Variants in FHIT observed in about 807,000 individuals in gnomAD.
FHIT encodes bis(5'-adenosyl)-triphosphatase.
FHIT carries 19 observed loss-of-function variants against 17.9 expected under a neutral mutation model. That is an observed-to-expected ratio of 1.06 (90% CI 0.74 to 1.56). FHIT has a LOEUF of 1.56. FHIT is among the 40% of genes most tolerant of loss of function. FHIT has a pLI of 0.00. For missense variants in FHIT, 248 were observed against 189.2 expected (o/e 1.31, Z -1.82); for synonymous variants, 81 against 69.7 (o/e 1.16, Z -0.81).
At chr3:61,036,855 T>C (rs565769962) in intron 3 of FHIT, among the ~76,000 whole-genome samples, 12 of 151,624 alleles carry the variant, frequency 7.9e-5, no homozygotes, top group Middle Eastern at 3.5e-3. Context: ...TGACTTGCCA[T>C]TAAAAAATTA....
At position 60,457,612 on chromosome 3, in the gene FHIT, A is replaced by G. The variant is rs545441626; in HGVS notation, c.103+79248T>C. Among the ~76,000 whole-genome samples the G allele has an allele frequency of 2.9e-3, 438 of 152,284 alleles. 1 individual carries two copies. The highest frequency in any genetic ancestry group is 0.01 in the African/African-American group (419 of 41,572). On this transcript the variant is annotated intron_variant, in intron 5 of 9. Transcript: ENST00000492590. ...CAATTAAACTAAAGAGCTTCTGCAC[A>G]GCAAAAGAATCTACCATCAGAGTGA... is the stretch of plus-strand genomic sequence containing the variant.
intron 5 of FHIT, among the ~76,000 whole-genome samples, chr3:60,400,621 C>A (rs1202930618): frequency 6.6e-6 from 1 of 152,012 alleles, no homozygotes; most frequent in Non-Finnish European, 1.5e-5. Flanking sequence ...AAGCAGGAAT[C>A]CAGAGCAAGA....
chr3:60,688,008 C>A (rs2040898021), intron 4 of FHIT, among the ~76,000 whole-genome samples: 1 of 151,756 alleles, frequency 6.6e-6, no homozygotes, highest in Non-Finnish European at 1.5e-5. Context: ...TAAATCTTGT[C>A]CATTCTATTG....
At chr3:60,161,138 G>A (rs914134631) in intron 5 of FHIT, among the ~76,000 whole-genome samples, 2 of 152,132 alleles carry the variant, frequency 1.3e-5, no homozygotes, top group Admixed American at 1.3e-4. Context: ...ACTGACTTGT[G>A]TGGCTATGTT....
intron 5 of FHIT, among the ~76,000 whole-genome samples, chr3:60,168,909 C>G (rs1448404906): frequency 6.6e-6 from 1 of 152,176 alleles, no homozygotes; most frequent in Non-Finnish European, 1.5e-5. Context: ...CTGCAAACCC[C>G]AGCAGATATC....
At chr3:60,191,598 T>C (rs1018157935) in intron 5 of FHIT, among the ~76,000 whole-genome samples, 10 of 152,148 alleles carry the variant, frequency 6.6e-5, no homozygotes, top group East Asian at 1.9e-4. Context: ...CACAGAAAAG[T>C]AGTATTTTTT....
At position 60,286,628 on chromosome 3, in the gene FHIT, C is replaced by G. The variant is rs564013460; in HGVS notation, c.103+250232G>C. 2.6e-4 allele frequency among the ~76,000 whole-genome samples: 39 copies of G among 152,262 alleles called. No individual in the cohort carries two copies. The East Asian group carries it at 5.6e-3, about 22-fold the overall frequency. On this transcript the variant is annotated intron_variant, in intron 5 of 9. Coordinates refer to ENST00000492590, the MANE Select transcript of FHIT (RefSeq NM_002012.4). ...TCTGAATTTTCCTCCTAACAAGGAG[C>G]TTAATCTACTATAGCAACCATAATG... is the stretch of plus-strand genomic sequence containing the variant.
At chr3:60,303,612 C>T (rs1416268974) in intron 5 of FHIT, among the ~76,000 whole-genome samples, 1 of 152,144 alleles carries the variant, frequency 6.6e-6, no homozygotes, top group Non-Finnish European at 1.5e-5. Flanking sequence ...TGCCGCTTCA[C>T]AGCCCATATG....
intron 5 of FHIT, among the ~76,000 whole-genome samples, chr3:60,392,669 A>G (rs927089473): frequency 3.9e-5 from 6 of 152,162 alleles, no homozygotes; most frequent in Admixed American, 2.0e-4. Context: ...ACCAAGTGAG[A>G]TTAATGTCCT....
chr3:60,085,833 G>A (rs1029941498), intron 5 of FHIT, among the ~76,000 whole-genome samples: 5 of 152,208 alleles, frequency 3.3e-5, no homozygotes, highest in African/African-American at 1.2e-4. Context: ...CTGCTGGCAG[G>A]ATAAGTGACA....
chr3:61,209,512 G>C (rs1181536429), intron 1 of FHIT, among the ~76,000 whole-genome samples: 7 of 135,388 alleles, frequency 5.2e-5, no homozygotes, highest in African/African-American at 1.9e-4. Flanking sequence ...GGCTTTGTTT[G>C]TTTCTTTTTA....
intron 5 of FHIT, among the ~76,000 whole-genome samples, chr3:60,103,877 G>A (rs1319224451): frequency 2.6e-5 from 4 of 152,064 alleles, no homozygotes; most frequent in Admixed American, 6.5e-5. Context: ...ATTACATGTC[G>A]CTTGTGCATA....
rs548469621 is a variant in FHIT at position 59,751,661 on chromosome 3, C to G, written c.*5+560G>C. 6 of 227,746 alleles carry G rather than the reference C, an allele frequency of 2.6e-5. No individual in the cohort carries two copies. The East Asian group carries it at 3.2e-4, about 12-fold the overall frequency. 14.1% of individuals were successfully genotyped at this position (227,746 alleles called of 1,614,324 possible). A position where few individuals can be genotyped will look rare whatever the true frequency, so the allele number is the denominator to read the frequency against. On this transcript the variant is annotated intron_variant, in intron 9 of 9. Coordinates refer to ENST00000492590, the MANE Select transcript of FHIT (RefSeq NM_002012.4). ...TAAGACAAAGATTAATTCTATCAAG[C>G]CTTGACTTTTCCCTGTGGCCTGAGC...
chr3:59,908,397 G>C (rs761058575), intron 8 of FHIT, among the ~76,000 whole-genome samples: 3 of 152,214 alleles, frequency 2.0e-5, no homozygotes, highest in Non-Finnish European at 2.9e-5. Flanking sequence ...GAAGAACTCT[G>C]ACAAGCTGGC....
At chr3:60,570,086 G>C (rs1230542191) in intron 4 of FHIT, among the ~76,000 whole-genome samples, 2 of 151,994 alleles carry the variant, frequency 1.3e-5, no homozygotes, top group African/African-American at 4.8e-5. Context: ...ACAGTCTATG[G>C]CGGTGGGACA....
intron 5 of FHIT, among the ~76,000 whole-genome samples, chr3:60,125,191 C>G (rs2107239408): frequency 6.6e-6 from 1 of 152,286 alleles, no homozygotes; most frequent in South Asian, 2.1e-4. Context: ...GAAGAGCCAG[C>G]CAGGGTCTAG....
At chr3:59,992,171 C>A (rs959179020) in intron 7 of FHIT, among the ~76,000 whole-genome samples, 1 of 152,062 alleles carries the variant, frequency 6.6e-6, no homozygotes, top group Non-Finnish European at 1.5e-5. Context: ...TCCCCTACTA[C>A]TTCCCTTCAG....
chr3:60,092,975 G>A (rs1479401984), intron 5 of FHIT, among the ~76,000 whole-genome samples: 1 of 152,114 alleles, frequency 6.6e-6, no homozygotes, highest in Non-Finnish European at 1.5e-5. Flanking sequence ...ATTCCAAATG[G>A]AAGAAAAATT....
In FHIT at chr3:60,574,612, A is replaced by T. The variant is rs80158050; in HGVS notation, c.-17-37633T>A. Among the ~76,000 whole-genome samples, 1,395 of 152,158 alleles carry T rather than the reference A, an allele frequency of 9.2e-3. 35 individuals are homozygous for T. The highest frequency in any genetic ancestry group is 0.032 in the African/African-American group (1,332 of 41,516). On this transcript the variant is annotated intron_variant, in intron 4 of 9. Transcript: ENST00000492590. ...GGCTGGGAATGGCTGCAACTTCAGG[A>T]TTGTAAAGTTGTGTAAACACATCTT... is the stretch of plus-strand genomic sequence containing the variant.
Sources: gnomAD v4.1 joint callset for allele counts (sites outside exome capture counted in the v4.1 genomes callset) on GRCh38, gnomAD v4.1.1 for gene constraint, MANE v1.5 for transcripts, NCBI Gene and HGNC (gene_info 2026-07-23, HGNC 2026-07-21) for gene names.